RAB27A: variants seen among roughly 807,000 people sequenced by gnomAD.
The protein encoded by RAB27A is ras-related protein Rab-27A.
Under a neutral mutation model 20.8 loss-of-function variants are expected in RAB27A, and 17 were observed. The observed-to-expected ratio is 0.82, with a 90% CI of 0.56 to 1.23. The LOEUF (loss-of-function observed/expected upper bound fraction) is 1.23, where lower values mean the gene tolerates loss of function less well. RAB27A is among the 50% of genes most tolerant of loss of function. The pLI is 0.00. For missense variants in RAB27A, 277 were observed against 266.7 expected, an observed-to-expected ratio of 1.04 and a Z score of -0.27; for synonymous variants, 85 against 92.8, an observed-to-expected ratio of 0.92 and a Z score of 0.48.
intron 2 of RAB27A, among the ~76,000 whole-genome samples, chr15:55,238,847 T>TAA (rs747245988): frequency 7.0e-5 from 10 of 141,962 alleles, no homozygotes; most frequent in Non-Finnish European, 1.5e-4. Context: ...CTGATCAACT[T>TAA]AAAAAGAGGT....
At chr15:55,312,085 G>A (rs932859995) in intron 2 of RAB27A, among the ~76,000 whole-genome samples, 9 of 152,198 alleles carry the variant, frequency 5.9e-5, no homozygotes, top group South Asian at 2.1e-4. Context: ...TGTTCAGCTC[G>A]ATTAGGACGA....
intron 6 of RAB27A, among the ~76,000 whole-genome samples, chr15:55,208,586 C>T (rs892439429): frequency 6.6e-6 from 1 of 152,182 alleles, no homozygotes; most frequent in African/African-American, 2.4e-5. Context: ...CATCTCAACA[C>T]ACCGAAGTTC....
chr15:55,226,185 G>C (rs555865833), intron 5 of RAB27A, among the ~76,000 whole-genome samples: 2 of 152,132 alleles, frequency 1.3e-5, no homozygotes, highest in African/African-American at 2.4e-5. Flanking sequence ...GTGACTCTGG[G>C]CATGACGTGC....
At chr15:55,244,303 A>C (rs1896606274) in intron 2 of RAB27A, among the ~76,000 whole-genome samples, 1 of 152,092 alleles carries the variant, frequency 6.6e-6, no homozygotes, top group Admixed American at 6.6e-5. Flanking sequence ...AGACAGAGGG[A>C]GACTCCATCT....
At chr15:55,294,362 T>G (rs2054938339), upstream of RAB27A, among the ~76,000 whole-genome samples, 1 of 151,960 alleles carries the variant, frequency 6.6e-6, no homozygotes, top group South Asian at 2.1e-4. Flanking sequence ...CCAACATAGG[T>G]AGAGCCCTTG....
At chr15:55,251,956 C>T (rs1896904876) in intron 2 of RAB27A, among the ~76,000 whole-genome samples, 1 of 152,094 alleles carries the variant, frequency 6.6e-6, no homozygotes, top group Non-Finnish European at 1.5e-5. Context: ...CCCTAGCACT[C>T]CCTACCTGGC....
At chr15:55,316,670 T>C (rs896753275) in intron 1 of RAB27A, among the ~76,000 whole-genome samples, 2 of 151,922 alleles carry the variant, frequency 1.3e-5, no homozygotes. Context: ...TCAAAAAAAA[T>C]TTTAACTATA....
At chr15:55,228,923 G>T (rs1425321776) in intron 4 of RAB27A, among the ~76,000 whole-genome samples, 1 of 152,210 alleles carries the variant, frequency 6.6e-6, no homozygotes, top group Admixed American at 6.5e-5. Flanking sequence ...GCTGGAGAGG[G>T]ATGACAAGAA....
At chr15:55,261,588 A>C (rs893966182) in intron 2 of RAB27A, among the ~76,000 whole-genome samples, 24 of 149,908 alleles carry the variant, frequency 1.6e-4, no homozygotes, top group African/African-American at 5.1e-4. Flanking sequence ...AAAAAAAAAA[A>C]AAGTTAGCTA....
At position 55,248,120 on chromosome 15, in the gene RAB27A, A is replaced by G. The variant is rs554792524; in HGVS notation, c.-22-13164T>C. On this transcript the variant is annotated intron_variant, in intron 2 of 6. Coordinates refer to ENST00000336787, the MANE Select transcript of RAB27A (RefSeq NM_183235.3). ...AGACTACAGGCACTAATCACATTTA[A>G]GCAGATACATTCTCTGCCCACAGGA... is the stretch of plus-strand genomic sequence containing the variant. Among the ~76,000 whole-genome samples, 166 of 152,124 alleles carry G rather than the reference A, an allele frequency of 1.1e-3. 1 individual carries two copies. The highest frequency in any genetic ancestry group is 3.8e-3 in the African/African-American group (158 of 41,504).
At chr15:55,235,018 A>T in intron 2 of RAB27A, 62 bp from the exon 3 acceptor site, 4 of 1,312,180 alleles carry the variant, frequency 3.0e-6, no homozygotes, top group Non-Finnish European at 4.2e-6. Context: ...TTATCCATTT[A>T]AAAAGTGACA....
intron 2 of RAB27A, among the ~76,000 whole-genome samples, chr15:55,248,127 A>G (rs1873512035): frequency 6.6e-6 from 1 of 151,984 alleles, no homozygotes; most frequent in Non-Finnish European, 1.5e-5. Context: ...TTAAGCAGAT[A>G]CATTCTCTGC....
chr15:55,270,408 A>T (rs1595737475), intron 1 of RAB27A, 124 bp from the exon 2 acceptor site: 1 of 152,192 alleles, frequency 6.6e-6, no homozygotes, highest in East Asian at 1.9e-4. Context: ...GTAAAAACCC[A>T]CAATCCAGCT....
intron 5 of RAB27A, among the ~76,000 whole-genome samples, chr15:55,225,483 C>A (rs1453683702): frequency 6.6e-6 from 1 of 152,198 alleles, no homozygotes; most frequent in African/African-American, 2.4e-5. Context: ...TGTTGACATG[C>A]AAGTCTCAGG....
intron 1 of RAB27A, among the ~76,000 whole-genome samples, chr15:55,285,361 C>G (rs969537837): frequency 4.7e-5 from 7 of 150,214 alleles, no homozygotes; most frequent in African/African-American, 1.7e-4. Context: ...CAGCATTCCT[C>G]GTAAGAGAGG....
Position 55,303,670 on chromosome 15 carries a change from G to A in RAB27A, c.-112+10369C>T, listed in dbSNP as rs1166398938. Among the ~76,000 whole-genome samples, 508 of 112,038 alleles carry A rather than the reference G, an allele frequency of 4.5e-3. 5 individuals carry two copies. Among genetic ancestry groups the A allele is most frequent in the Admixed American group, 7.6e-3 (91 of 11,948 alleles). 73.5% of individuals were successfully genotyped at this position (112,038 alleles called of 152,430 possible). On this transcript the variant is annotated intron_variant, in intron 2 of 5. Transcript: ENST00000563262. ...TCCGGGAGGGAGGTGGGGGGGGTCA[G>A]CCCCCCTGCCCGGCCAGCCGCCCCG...
chr15:55,257,066 G>C (rs906831230), intron 2 of RAB27A, among the ~76,000 whole-genome samples: 1 of 152,198 alleles, frequency 6.6e-6, no homozygotes, highest in African/African-American at 2.4e-5. Flanking sequence ...ACACAGCAAA[G>C]AGAACACCAA....
At chr15:55,265,402 C>A (rs1185595736) in intron 2 of RAB27A, among the ~76,000 whole-genome samples, 3 of 152,038 alleles carry the variant, frequency 2.0e-5, no homozygotes, top group Non-Finnish European at 4.4e-5. Context: ...GAGCTAAGGA[C>A]TAAAGTCAGA....
At chr15:55,255,721 G>A (rs976930160) in intron 2 of RAB27A, among the ~76,000 whole-genome samples, 1 of 152,130 alleles carries the variant, frequency 6.6e-6, no homozygotes, top group African/African-American at 2.4e-5. Flanking sequence ...ACTACGAATG[G>A]CATGAAAGAA....
Sources: gnomAD v4.1 joint callset for allele counts (sites outside exome capture counted in the v4.1 genomes callset) on GRCh38, gnomAD v4.1.1 for gene constraint, MANE v1.5 for transcripts, NCBI Gene and HGNC (gene_info 2026-07-23, HGNC 2026-07-21) for gene names.